The following TMEM131L variants were observed in gnomAD, a reference collection of about 807,000 sequenced individuals.
TMEM131L encodes the protein transmembrane 131 like, also known as transmembrane protein 131-like.
Under a neutral mutation model 192.2 loss-of-function variants are expected in TMEM131L, and 54 were observed. That is an observed-to-expected ratio of 0.28 (90% CI 0.23 to 0.35). The LOEUF (loss-of-function observed/expected upper bound fraction) is 0.35, where lower values mean the gene tolerates loss of function less well. Among genes scored for constraint, TMEM131L ranks in the 10% least tolerant of loss-of-function variants. TMEM131L has a pLI of 1.00. For synonymous variants in TMEM131L, 701 were observed against 704.9 expected (o/e 0.99, Z 0.09); for missense variants, 1,888 against 1,972.9 (o/e 0.96, Z 0.82).
chr4:153,575,645 T>G (rs1372263355), intron 7 of TMEM131L, among the ~76,000 whole-genome samples: 3 of 152,164 alleles, frequency 2.0e-5, no homozygotes, highest in Non-Finnish European at 4.4e-5. Flanking sequence ...ATGAAATATA[T>G]AAACTATATT....
Position 153,596,367 on chromosome 4 carries a change from C to T in TMEM131L, c.2105C>T (p.Thr702Ile), listed in dbSNP as rs761919515. ...ACACCTGCTGACTATGGAAAAGTTA[C>T]CTCACTCATACTAATCCGGTAGGTG... ...VFTPADYGKVTSLILIRNNLT... is the reference protein window; with the variant it reads ...VFTPADYGKVISLILIRNNLT... The change falls in exon 20 of 35, where the codon ACC becomes ATC. Residue 702 changes from threonine to isoleucine, a missense_variant. Transcript: ENST00000409959. 4 of 1,613,794 alleles carry T rather than the reference C, an allele frequency of 2.5e-6. No homozygotes were observed. The East Asian group carries it at 8.9e-5, about 36-fold the overall frequency.
In TMEM131L at chr4:153,624,410, C is replaced by T. The variant is rs543650994; in HGVS notation, c.4045+1327C>T. On this transcript the variant is annotated intron_variant, in intron 29 of 34. Coordinates refer to ENST00000409959, the MANE Select transcript of TMEM131L (RefSeq NM_001131007.2). Reference sequence around the variant, plus strand: ...CCGGGATTACAGGCGTGGGCCACTGCGCCCGGCCTACTCAGCATTGTTATT... The same window carrying T: ...CCGGGATTACAGGCGTGGGCCACTGTGCCCGGCCTACTCAGCATTGTTATT... 3.9e-5 allele frequency among the ~76,000 whole-genome samples: 6 copies of T among 152,356 alleles called. No homozygotes were observed. The South Asian group carries it at 1.0e-3, about 26-fold the overall frequency.
chr4:153,586,450 C>A, intron 14 of TMEM131L, 71 bp downstream of exon 14: 1 of 1,177,502 alleles, frequency 8.5e-7, no homozygotes, highest in Non-Finnish European at 1.2e-6. Context: ...ACCTTTAGTG[C>A]TTGAGTTTTA....
chr4:153,591,719 A>G (rs1344009218), intron 17 of TMEM131L, among the ~76,000 whole-genome samples: 1 of 152,198 alleles, frequency 6.6e-6, no homozygotes, highest in Non-Finnish European at 1.5e-5. Context: ...CACACGTGAC[A>G]TGAATTATAA....
At chr4:153,480,641 A>T (rs1268858169) in intron 3 of TMEM131L, among the ~76,000 whole-genome samples, 2 of 151,858 alleles carry the variant, frequency 1.3e-5, no homozygotes, top group African/African-American at 4.8e-5. Flanking sequence ...CCACCCTGTC[A>T]TCTACCTAGG....
chr4:153,566,382 G>A (rs1287327945), intron 7 of TMEM131L, among the ~76,000 whole-genome samples: 3 of 152,092 alleles, frequency 2.0e-5, no homozygotes, highest in East Asian at 1.9e-4. Flanking sequence ...TGATCCGCCC[G>A]CCTCAGCCTC....
At chr4:153,592,271 G>A (rs9884333) in intron 17 of TMEM131L, among the ~76,000 whole-genome samples, 88 of 151,318 alleles carry the variant, frequency 5.8e-4, no homozygotes, top group African/African-American at 1.7e-3. Flanking sequence ...GGTCTTTTTA[G>A]TCTCCTTTAA....
At position 153,510,345 on chromosome 4, in the gene TMEM131L, G is replaced by A. The variant is rs541686864; in HGVS notation, c.239+36457G>A. On this transcript the variant is annotated intron_variant, in intron 3 of 34. Transcript: ENST00000409959. ...AATTGCCGATTCTTAGATCTTGAGT[G>A]TTAATCAGTTCTAACACTGACCGTC... Among the ~76,000 whole-genome samples, 82 of 152,274 alleles carry A rather than the reference G, an allele frequency of 5.4e-4. No individual in the cohort carries two copies. The South Asian group carries it at 6.4e-3, about 12-fold the overall frequency.
chr4:153,631,497 G>A (rs1734204732), intron 31 of TMEM131L, among the ~76,000 whole-genome samples: 1 of 152,142 alleles, frequency 6.6e-6, no homozygotes, highest in Non-Finnish European at 1.5e-5. Flanking sequence ...AGTGGGTTGT[G>A]CTACAGGAGA....
At chr4:153,489,829 A>G (rs938090845) in intron 3 of TMEM131L, among the ~76,000 whole-genome samples, 24 of 152,110 alleles carry the variant, frequency 1.6e-4, no homozygotes, top group African/African-American at 4.8e-4. Context: ...TAATGAGCAA[A>G]TAGGCAAAAC....
intron 7 of TMEM131L, among the ~76,000 whole-genome samples, chr4:153,563,491 A>G (rs1410917282): frequency 8.9e-6 from 1 of 112,876 alleles, no homozygotes; most frequent in Non-Finnish European, 1.7e-5. Context: ...TTTTTGAGAC[A>G]GGGTCTCGCT....
intron 1 of TMEM131L, 121 bp from the exon 2 acceptor site, chr4:153,467,090 C>G (rs1459211825): frequency 1.0e-6 from 1 of 976,788 alleles, no homozygotes; most frequent in Non-Finnish European, 1.6e-6. Flanking sequence ...GGCCTCTGTT[C>G]CCAGGAGGAA....
chr4:153,493,800 T>G (rs1256603862), intron 3 of TMEM131L, among the ~76,000 whole-genome samples: 1 of 152,208 alleles, frequency 6.6e-6, no homozygotes, highest in African/African-American at 2.4e-5. Context: ...TTGTTAATAG[T>G]ACCTACCACA....
chr4:153,536,824 G>A (rs1736372223), intron 3 of TMEM131L, among the ~76,000 whole-genome samples: 1 of 151,448 alleles, frequency 6.6e-6, no homozygotes, highest in Non-Finnish European at 1.5e-5. Context: ...TCTGCAAGCT[G>A]AGGAGCAAGG....
At chr4:153,504,651 A>G (rs535584204) in intron 3 of TMEM131L, among the ~76,000 whole-genome samples, 3 of 152,308 alleles carry the variant, frequency 2.0e-5, no homozygotes, top group African/African-American at 7.2e-5. Flanking sequence ...GAGTTGTAAT[A>G]TAAATTTTCT....
intron 3 of TMEM131L, among the ~76,000 whole-genome samples, chr4:153,484,670 A>G (rs973680960): frequency 1.3e-4 from 19 of 147,822 alleles, no homozygotes; most frequent in Non-Finnish European, 2.1e-4. Context: ...GGGTTTCACC[A>G]TGTTACTCAG....
intron 3 of TMEM131L, among the ~76,000 whole-genome samples, chr4:153,545,217 C>T (rs767088168): frequency 7.9e-5 from 12 of 151,960 alleles, no homozygotes; most frequent in Non-Finnish European, 1.6e-4. Flanking sequence ...TTGGCGTTCA[C>T]GTCACACTAG....
At chr4:153,612,536 C>T in intron 26 of TMEM131L, 136 bp downstream of exon 26, 1 of 622,378 alleles carries the variant, frequency 1.6e-6, no homozygotes, top group South Asian at 2.3e-5. Flanking sequence ...TGTGTGTGTT[C>T]AGAGAATTTT....
rs752383874 is a variant in TMEM131L at position 153,604,112 on chromosome 4, A to G, written c.3100A>G (p.Arg1034Gly). 36 of 1,614,212 alleles carry G rather than the reference A, an allele frequency of 2.2e-5. No homozygotes were observed. The highest frequency in any genetic ancestry group is 3.0e-5 in the Non-Finnish European group (35 of 1,180,022). Residue 1034 changes from arginine to glycine, a missense_variant, in exon 25 of 35, where the codon AGA becomes GGA. Transcript: ENST00000409959. Reference sequence around the variant, plus strand: ...CATGCGTGAGAACTGGATCAGCCTCAGATATGCAAGTGGCATAAATGTCAA... The same window carrying G: ...CATGCGTGAGAACTGGATCAGCCTCGGATATGCAAGTGGCATAAATGTCAA... ...DAMRENWISL[R>G]YASGINVNLQ...
Sources: gnomAD v4.1 joint callset for allele counts (sites outside exome capture counted in the v4.1 genomes callset) on GRCh38, gnomAD v4.1.1 for gene constraint, MANE v1.5 for transcripts, NCBI Gene and HGNC (gene_info 2026-07-23, HGNC 2026-07-21) for gene names.